The following ABAT variants were observed in gnomAD, a reference collection of about 807,000 sequenced individuals.
The protein encoded by ABAT is 4-aminobutyrate aminotransferase, mitochondrial.
A neutral mutation model predicts 64.6 loss-of-function variants in ABAT; 45 were observed. That is an observed-to-expected ratio of 0.70 (90% CI 0.55 to 0.89). The LOEUF is 0.89. Among genes scored for constraint, ABAT ranks in the 40% least tolerant of loss-of-function variants. ABAT has a pLI of 0.00. For synonymous variants in ABAT, 297 were observed against 250.5 expected (o/e 1.19, Z -1.75); for missense variants, 633 against 658.4 (o/e 0.96, Z 0.42).
chr16:8,754,226 A>T lies in ABAT; in HGVS notation c.317-3531A>T. 1.5e-5 allele frequency among the ~76,000 whole-genome samples: 2 copies of T among 135,904 alleles called. 1 individual carries two copies. Among genetic ancestry groups the T allele is most frequent in the Non-Finnish European group, 3.1e-5 (2 of 64,306 alleles). 89.2% of individuals were successfully genotyped at this position (135,904 alleles called of 152,430 possible). Reference sequence around the variant, plus strand: ...AAAAATTAGCCGGGCATGGTGGTGCATACCTGTAATCCCAGCTATTCGGGA... The same window carrying T: ...AAAAATTAGCCGGGCATGGTGGTGCTTACCTGTAATCCCAGCTATTCGGGA... On this transcript the variant is annotated intron_variant, in intron 5 of 15. Coordinates refer to ENST00000268251, the MANE Select transcript of ABAT (RefSeq NM_020686.6).
At chr16:8,732,974 G>T (rs1189577099) in intron 1 of ABAT, among the ~76,000 whole-genome samples, 1 of 148,306 alleles carries the variant, frequency 6.7e-6, no homozygotes, top group Non-Finnish European at 1.5e-5. Context: ...GCCGGGCGGG[G>T]GGCTGATGCC....
At chr16:8,729,137 G>C (rs1332209222) in intron 1 of ABAT, among the ~76,000 whole-genome samples, 1 of 117,326 alleles carries the variant, frequency 8.5e-6, no homozygotes, top group Non-Finnish European at 1.8e-5. Context: ...GAAAAACCTG[G>C]CTCTACTGAA....
At chr16:8,708,968 T>C (rs967931306) in intron 1 of ABAT, among the ~76,000 whole-genome samples, 2 of 152,176 alleles carry the variant, frequency 1.3e-5, no homozygotes, top group African/African-American at 4.8e-5. Context: ...CATTTGCCAA[T>C]GAGTCACGCC....
At position 8,764,445 on chromosome 16, in the gene ABAT, T is replaced by C. The variant is rs1269185828; in HGVS notation, c.448-293T>C. Among the ~76,000 whole-genome samples, 1 of 152,200 alleles carries C rather than the reference T, an allele frequency of 6.6e-6. No homozygotes were observed. Among genetic ancestry groups the C allele is most frequent in the East Asian group, 1.9e-4 (1 of 5,196 alleles). Reference sequence around the variant, plus strand: ...AGTTACTACAAACGATTAAAGCCATTGGGAGCCTCAACGTCCCGCCTGGAA... The same window carrying C: ...AGTTACTACAAACGATTAAAGCCATCGGGAGCCTCAACGTCCCGCCTGGAA... On this transcript the variant is annotated intron_variant, in intron 7 of 15. Coordinates refer to ENST00000268251, the MANE Select transcript of ABAT (RefSeq NM_020686.6). The surrounding 1 kb of genome is among the most constrained non-coding windows in gnomAD (Gnocchi z 4.2).
chr16:8,752,794 TAGA>T (rs554230393), intron 5 of ABAT, among the ~76,000 whole-genome samples: 58 of 152,324 alleles, frequency 3.8e-4, no homozygotes, highest in Middle Eastern at 3.4e-3. Flanking sequence ...AGAAAAATTC[TAGA>T]AGTTCTAAAA....
chr16:8,687,965 C>T (rs9935013), intron 1 of ABAT, among the ~76,000 whole-genome samples: 1 of 151,972 alleles, frequency 6.6e-6, no homozygotes, highest in South Asian at 2.1e-4. Flanking sequence ...CTGGCACCAT[C>T]GTAGCTTACT....
At chr16:8,756,170 C>T (rs144935074) in intron 5 of ABAT, among the ~76,000 whole-genome samples, 2,513 of 151,476 alleles carry the variant, frequency 0.017, 36 homozygotes, top group Non-Finnish European at 0.026. Flanking sequence ...CAACGAGCCA[C>T]GATTGTGCCA....
At chr16:8,735,666 T>A in intron 1 of ABAT, 33 bp from the exon 2 acceptor site, 1 of 1,533,808 alleles carries the variant, frequency 6.5e-7, no homozygotes, top group South Asian at 1.2e-5. Flanking sequence ...GTGGTCTTCA[T>A]GGGCCTAAGT....
chr16:8,781,219 G>C lies in ABAT; in HGVS notation c.1382-90G>C. 2.5e-6 allele frequency: 4 copies of C among 1,583,534 alleles called. No homozygotes were observed. The highest frequency in any genetic ancestry group is 3.5e-6 in the Non-Finnish European group (4 of 1,155,010). Reference sequence around the variant, plus strand: ...GATGGATGGATGGATGGATGGATGAGCGTTGCCAACAGGCATCACTTTCCC... The same window carrying C: ...GATGGATGGATGGATGGATGGATGACCGTTGCCAACAGGCATCACTTTCCC... On this transcript the variant is annotated intron_variant, in intron 15 of 15. Transcript: ENST00000268251. The surrounding 1 kb of genome is among the most constrained non-coding windows in gnomAD (Gnocchi z 4.5).
rs558543857 is a variant in ABAT, at chr16:8,764,462, C to T, written c.448-276C>T. On this transcript the variant is annotated intron_variant, in intron 7 of 15. Coordinates refer to ENST00000268251, the MANE Select transcript of ABAT (RefSeq NM_020686.6). This position sits in a 1 kb window ranked among gnomAD's most constrained non-coding sequence, Gnocchi z 4.2. ...AAAGCCATTGGGAGCCTCAACGTCCCGCCTGGAACGTGTAGGTGTCTTAGA... is the reference window on the plus strand; with the variant it reads ...AAAGCCATTGGGAGCCTCAACGTCCTGCCTGGAACGTGTAGGTGTCTTAGA... 3.9e-5 allele frequency among the ~76,000 whole-genome samples: 6 copies of T among 152,322 alleles called. No individual in the cohort carries two copies. Among genetic ancestry groups the T allele is most frequent in the African/African-American group, 7.2e-5 (3 of 41,582 alleles).
In ABAT at chr16:8,768,955, G is replaced by A. The variant is rs757487824; in HGVS notation, c.798G>A (p.Glu266=). The A allele has an allele frequency of 6.2e-7, 1 of 1,614,164 alleles. No homozygotes were observed. Among genetic ancestry groups the A allele is most frequent in the Non-Finnish European group, 8.5e-7 (1 of 1,180,038 alleles). ...EEFVKENQQE[E]ARCLEEVEDL... ...TTGTGAAAGAGAACCAACAGGAGGA[G>A]GCCCGCTGTCTGGAAGAGGTAATGC... Residue 266 remains glutamate, a synonymous_variant, in exon 11 of 16, where the codon GAG becomes GAA. Coordinates refer to ENST00000268251, the MANE Select transcript of ABAT (RefSeq NM_020686.6).
chr16:8,766,314 C>T (rs2059942173), intron 9 of ABAT, 44 bp downstream of exon 9: 3 of 1,586,720 alleles, frequency 1.9e-6, no homozygotes, highest in South Asian at 2.2e-5. Context: ...GGGGAAGCTG[C>T]ACAGCCTCTC....
chr16:8,693,732 G>A (rs1469801529), intron 1 of ABAT, among the ~76,000 whole-genome samples: 1 of 152,212 alleles, frequency 6.6e-6, no homozygotes, highest in East Asian at 1.9e-4. Flanking sequence ...GCTTCCCAAA[G>A]TGCTGGGATT....
Position 8,755,187 on chromosome 16 carries a change from C to T in ABAT, c.317-2570C>T, listed in dbSNP as rs191152975. ...CATGGTGTCAAGTCCTGGTTGGCCC[C>T]ACTGGCTGCCATGGGTGTACTAACC... On this transcript the variant is annotated intron_variant, in intron 5 of 15. Coordinates refer to ENST00000268251, the MANE Select transcript of ABAT (RefSeq NM_020686.6). 6.0e-3 allele frequency among the ~76,000 whole-genome samples: 907 copies of T among 152,194 alleles called. 14 individuals carry two copies. Among genetic ancestry groups the T allele is most frequent in the Non-Finnish European group, 9.2e-3 (624 of 68,018 alleles).
rs532330605 is a variant in ABAT, at chr16:8,772,872, C to T, written c.909C>T (p.His303=). 16 of 1,613,978 alleles carry T rather than the reference C, an allele frequency of 9.9e-6. 1 individual carries two copies. In the Admixed American group the frequency reaches 1.0e-4, roughly 10 times the overall value. The change falls in exon 12 of 16, where the codon CAC becomes CAT. Residue 303 remains histidine (H), a synonymous_variant. Transcript: ENST00000268251. ...EPIQSEGGDN[H]ASDDFFRKLR... Reference sequence around the variant, plus strand: ...TCCAGTCCGAGGGTGGAGACAACCACGCATCCGATGACTTCTTTCGGAAGC... The same window carrying T: ...TCCAGTCCGAGGGTGGAGACAACCATGCATCCGATGACTTCTTTCGGAAGC...
chr16:8,707,615 C>T (rs1378001236), intron 1 of ABAT, among the ~76,000 whole-genome samples: 1 of 152,146 alleles, frequency 6.6e-6, no homozygotes, highest in African/African-American at 2.4e-5. Flanking sequence ...TGGGATTTAC[C>T]TTTACGTCAG....
rs753961914 is a variant in ABAT at position 8,769,008 on chromosome 16, C to A, written c.816+35C>A. 9.9e-6 allele frequency: 16 copies of A among 1,613,558 alleles called. No individual in the cohort carries two copies. The South Asian group carries it at 1.8e-4, about 18-fold the overall frequency. On this transcript the variant is annotated intron_variant, in intron 11 of 15. Transcript: ENST00000268251. ...ATACCCTGCGGATCCTCCCCAACCA[C>A]CAGTCCTGTTGCTCTTGCCGCCCCA...
intron 1 of ABAT, chr16:8,714,734 C>G (rs2058164368): frequency 1.3e-5 from 2 of 152,462 alleles, no homozygotes; most frequent in Non-Finnish European, 2.9e-5. Flanking sequence ...CAGCCGGTTG[C>G]TCTAAGTGAA....
intron 5 of ABAT, among the ~76,000 whole-genome samples, chr16:8,754,662 A>ATTTCTTTCTTTCTTTCTTTCTTTC (rs779413223): frequency 2.1e-5 from 3 of 145,974 alleles, no homozygotes; most frequent in African/African-American, 7.9e-5. Context: ...CAGCAAGTTG[A>ATTTCTTTCTTTCTTTCTTTCTTTC]TTTATTTATT....
Sources: gnomAD v4.1 joint callset for allele counts (sites outside exome capture counted in the v4.1 genomes callset) on GRCh38, gnomAD v4.1.1 for gene constraint, Gnocchi (gnomAD v3.1) non-coding constraint, MANE v1.5 for transcripts, NCBI Gene and HGNC (gene_info 2026-07-23, HGNC 2026-07-21) for gene names.